Variants in ADGRL2 observed in about 807,000 individuals in gnomAD.
ADGRL2 encodes the protein calcium-independent alpha-latrotoxin receptor 2.
A neutral mutation model predicts 157.4 loss-of-function variants in ADGRL2; 44 were observed. The observed-to-expected ratio is 0.28, with a 90% confidence interval of 0.22 to 0.36. ADGRL2 has a LOEUF of 0.36. Ranked by LOEUF, ADGRL2 falls within the 10% of genes least tolerant of loss-of-function variation. The pLI is 1.00. For missense variants in ADGRL2, 1,510 were observed against 1,768.9 expected (o/e 0.85, Z 2.63); for synonymous variants, 585 against 624.7 (o/e 0.94, Z 0.95).
chr1:81,515,801 A>G (rs572829997), intron 2 of ADGRL2, among the ~76,000 whole-genome samples: 1 of 152,182 alleles, frequency 6.6e-6, no homozygotes, highest in South Asian at 2.1e-4. Context: ...ATAAGATTAT[A>G]CAGCACATAC....
intron 3 of ADGRL2, among the ~76,000 whole-genome samples, chr1:81,625,903 T>C (rs964622485): frequency 6.6e-6 from 1 of 152,198 alleles, no homozygotes; most frequent in African/African-American, 2.4e-5. Flanking sequence ...AATTGTGGAC[T>C]ATATAGAGTT....
At chr1:81,549,118 A>G (rs1344693819) in intron 2 of ADGRL2, among the ~76,000 whole-genome samples, 1 of 152,178 alleles carries the variant, frequency 6.6e-6, no homozygotes, top group Non-Finnish European at 1.5e-5. Context: ...GACATTTGCA[A>G]CGGCACCAGG....
intron 3 of ADGRL2, among the ~76,000 whole-genome samples, chr1:81,629,442 T>C (rs928866851): frequency 2.0e-5 from 3 of 152,074 alleles, no homozygotes; most frequent in African/African-American, 7.2e-5. Context: ...ATTTAGTGGG[T>C]CATGAGCAGC....
intron 2 of ADGRL2, chr1:81,514,015 G>A (rs2079127525): frequency 6.6e-6 from 1 of 152,166 alleles, no homozygotes; most frequent in Admixed American, 6.6e-5. Flanking sequence ...GAGCATTACT[G>A]AGGGTTGGGA....
intron 6 of ADGRL2, among the ~76,000 whole-genome samples, chr1:81,945,571 G>T (rs777894647): frequency 6.6e-5 from 10 of 152,112 alleles, no homozygotes; most frequent in Non-Finnish European, 1.2e-4. Flanking sequence ...AAGATGGTTA[G>T]TAATGTCATC....
intron 17 of ADGRL2, among the ~76,000 whole-genome samples, chr1:81,978,346 T>A (rs2149409483): frequency 6.6e-6 from 1 of 151,920 alleles, no homozygotes; most frequent in South Asian, 2.1e-4. Flanking sequence ...CCAACTAGAA[T>A]GTTATGGAAA....
rs1490665306 is a variant in ADGRL2, at chr1:81,860,353, T to G, written c.73+23296T>G. ...TTTTATTTTATTTATTAACTTCCTA[T>G]TTTTGTAGAGACAGGGTTTCTCTAT... On this transcript the variant is annotated intron_variant, in intron 2 of 23. Transcript: ENST00000686636. Among the ~76,000 whole-genome samples the G allele has an allele frequency of 2.9e-4, 44 of 152,166 alleles. 1 individual carries two copies. Among genetic ancestry groups the G allele is most frequent in the Admixed American group, 2.9e-3 (44 of 15,272 alleles).
chr1:81,981,894 T>C lies in ADGRL2; in HGVS notation c.3200T>C (p.Ile1067Thr). The stretch of plus-strand genomic sequence containing the variant: ...TTGCTTTTTATTAATGAGGAGACTA[T>C]TGTGATGGCATATCTCTTCACTATA... ...FGLLFINEET[I>T]VMAYLFTIFN... Residue 1067 changes from isoleucine (I) to threonine (T), a missense_variant, in exon 19 of 24, where the codon ATT becomes ACT. This residue lies in a region of ADGRL2 where 497 missense variants were observed against 627.2 expected (regional missense o/e 0.79). Transcript: ENST00000686636. 12 of 1,612,282 alleles carry C rather than the reference T, an allele frequency of 7.4e-6. No individual in the cohort carries two copies. Among genetic ancestry groups the C allele is most frequent in the Non-Finnish European group, 8.5e-6 (10 of 1,178,730 alleles).
rs980943581 is a variant in ADGRL2, at chr1:81,459,031, G to A, written c.-248+13942G>A. ...GGGATCTGAGAGTGGGTAACCCTCT[G>A]TGTGAGAGGGGACCCAAAAGCAGAT... On this transcript the variant is annotated intron_variant, in intron 2 of 24. Coordinates refer to the ADGRL2 transcript ENST00000370721. Among the ~76,000 whole-genome samples, 17 of 152,288 alleles carry A rather than the reference G, an allele frequency of 1.1e-4. No homozygotes were observed. The East Asian group carries it at 3.1e-3, about 28-fold the overall frequency.
intron 6 of ADGRL2, among the ~76,000 whole-genome samples, chr1:81,946,754 A>C (rs571731175): frequency 1.8e-4 from 27 of 152,298 alleles, no homozygotes; most frequent in African/African-American, 6.0e-4. Context: ...TGCTGTATAA[A>C]AGATGATCAG....
At chr1:81,661,186 AT>A (rs140405432) in intron 3 of ADGRL2, among the ~76,000 whole-genome samples, 50,922 of 151,676 alleles carry the variant, frequency 0.34, 9,070 homozygotes, top group African/African-American at 0.45. Flanking sequence ...TTCCATAAGC[AT>A]TTTTTTTATT....
At chr1:81,448,882 A>G (rs2101725886) in intron 2 of ADGRL2, among the ~76,000 whole-genome samples, 1 of 152,294 alleles carries the variant, frequency 6.6e-6, no homozygotes, top group South Asian at 2.1e-4. Context: ...TCTATATTAC[A>G]CCCAAAACTT....
intron 1 of ADGRL2, among the ~76,000 whole-genome samples, chr1:81,706,416 T>A (rs368302255): frequency 3.3e-5 from 5 of 151,924 alleles, no homozygotes; most frequent in African/African-American, 1.2e-4. Context: ...GGGATGTAAA[T>A]GTGAGAGGGA....
intron 1 of ADGRL2, among the ~76,000 whole-genome samples, chr1:81,715,809 AAAG>A (rs1339024640): frequency 1.3e-5 from 2 of 152,146 alleles, no homozygotes; most frequent in African/African-American, 4.8e-5. Context: ...ACAGAAGTCA[AAAG>A]AAGTAGAGTT....
At position 81,335,664 on chromosome 1, in the gene ADGRL2, C is replaced by G. The variant is rs936161975; in HGVS notation, c.-302+29155C>G. Among the ~76,000 whole-genome samples the G allele has an allele frequency of 1.3e-5, 2 of 152,126 alleles. 1 individual carries two copies. Among genetic ancestry groups the G allele is most frequent in the South Asian group, 4.1e-4 (2 of 4,830 alleles). ...AACATTCCCCACAACTCCATTTTCC[C>G]TAATATCTAAATCAGTCTTGGAAGG... On this transcript the variant is annotated intron_variant, in intron 1 of 24. Transcript: ENST00000370721.
At chr1:81,365,849 C>A (rs1321431024) in intron 1 of ADGRL2, among the ~76,000 whole-genome samples, 1 of 152,148 alleles carries the variant, frequency 6.6e-6, no homozygotes, top group Non-Finnish European at 1.5e-5. Context: ...AACACATTAA[C>A]CAATTTTCCC....
At chr1:81,861,863 A>G (rs535190243) in intron 2 of ADGRL2, among the ~76,000 whole-genome samples, 2 of 152,266 alleles carry the variant, frequency 1.3e-5, no homozygotes, top group Non-Finnish European at 2.9e-5. Flanking sequence ...AGCCAGGGCA[A>G]CAGAGCAAGA....
intron 1 of ADGRL2, among the ~76,000 whole-genome samples, chr1:81,317,759 AG>A (rs1660214028): frequency 6.6e-6 from 1 of 152,202 alleles, no homozygotes; most frequent in African/African-American, 2.4e-5. Flanking sequence ...ATTTGTAAGT[AG>A]GGGGTCTGTC....
chr1:81,838,251 G>A (rs1050756951), intron 2 of ADGRL2, among the ~76,000 whole-genome samples: 8 of 151,830 alleles, frequency 5.3e-5, no homozygotes, highest in Admixed American at 1.3e-4. Flanking sequence ...AGTCCCCTAC[G>A]TTCAGTATAT....
Sources: allele counts gnomAD v4.1 joint callset (sites outside exome capture counted in the v4.1 genomes callset), GRCh38; gene constraint gnomAD v4.1.1; regional missense constraint gnomAD v4.1.1; transcripts MANE v1.5; gene names NCBI Gene and HGNC (gene_info 2026-07-23, HGNC 2026-07-21).